Variants in CNBD1 observed in about 807,000 individuals in gnomAD.
The protein encoded by CNBD1 is cyclic nucleotide binding domain containing 1, also known as cyclic nucleotide-binding domain-containing protein 1.
Under a neutral mutation model 54.4 loss-of-function variants are expected in CNBD1, and 71 were observed. The observed-to-expected ratio is 1.30, with a 90% CI of 1.08 to 1.59. CNBD1 has a LOEUF of 1.59. Ranked by LOEUF, CNBD1 falls within the 40% of genes most tolerant of loss-of-function variation. The pLI is 0.00. For synonymous variants in CNBD1, 182 were observed against 170.7 expected, an observed-to-expected ratio of 1.07 and a Z score of -0.51; for missense variants, 659 against 518.0, an observed-to-expected ratio of 1.27 and a Z score of -2.64.
intron 4 of CNBD1, among the ~76,000 whole-genome samples, chr8:87,111,353 G>T (rs531049316): frequency 6.6e-6 from 1 of 152,168 alleles, no homozygotes; most frequent in Non-Finnish European, 1.5e-5. Flanking sequence ...ATGGAAAACC[G>T]TGGCCAGCAC....
intron 3 of CNBD1, among the ~76,000 whole-genome samples, chr8:86,937,587 G>A (rs953868538): frequency 1.3e-5 from 2 of 152,190 alleles, no homozygotes; most frequent in South Asian, 4.1e-4. Context: ...CTGTGCACCT[G>A]CAGGCTCAAC....
intron 8 of CNBD1, among the ~76,000 whole-genome samples, chr8:87,322,556 A>G (rs78653836): frequency 3.2e-4 from 36 of 111,572 alleles, no homozygotes; most frequent in African/African-American, 8.4e-4. Context: ...GATGGCCAGT[A>G]ATGATGAGCA....
chr8:87,143,086 T>C (rs1812405270), intron 4 of CNBD1, among the ~76,000 whole-genome samples: 1 of 152,180 alleles, frequency 6.6e-6, no homozygotes, highest in East Asian at 1.9e-4. Context: ...TTATAGTTAA[T>C]AGCTTTTACT....
intron 4 of CNBD1, among the ~76,000 whole-genome samples, chr8:86,987,346 G>T (rs1808631771): frequency 1.3e-5 from 2 of 152,090 alleles, no homozygotes; most frequent in South Asian, 4.1e-4. Flanking sequence ...ACTAATTTTT[G>T]TAGACTGATT....
intron 6 of CNBD1, among the ~76,000 whole-genome samples, chr8:87,266,436 A>ATT (rs1712234748): frequency 6.6e-5 from 5 of 76,260 alleles, no homozygotes; most frequent in Non-Finnish European, 1.3e-4. Flanking sequence ...AAAAAAAAAA[A>ATT]TCTTTTTTTT....
intron 8 of CNBD1, among the ~76,000 whole-genome samples, chr8:87,305,160 C>A (rs1483590074): frequency 6.6e-6 from 1 of 151,776 alleles, no homozygotes; most frequent in African/African-American, 2.4e-5. Flanking sequence ...TTTACAATAG[C>A]TGCAAAAAAA....
At chr8:86,929,979 G>A (rs1054388098) in intron 3 of CNBD1, among the ~76,000 whole-genome samples, 2 of 152,162 alleles carry the variant, frequency 1.3e-5, no homozygotes, top group Non-Finnish European at 2.9e-5. Flanking sequence ...GTTTTGTCCT[G>A]TGGGAAGGCT....
intron 4 of CNBD1, among the ~76,000 whole-genome samples, chr8:87,024,676 AT>A (rs1809591730): frequency 6.6e-6 from 1 of 152,090 alleles, no homozygotes; most frequent in African/African-American, 2.4e-5. Flanking sequence ...AAAGTAATTG[AT>A]TATTTTTGGT....
At chr8:86,889,176 A>AT (rs1465954553) in intron 2 of CNBD1, among the ~76,000 whole-genome samples, 1 of 152,192 alleles carries the variant, frequency 6.6e-6, no homozygotes, top group Non-Finnish European at 1.5e-5. Flanking sequence ...GTATGTGTAT[A>AT]TAGGTTTTGC....
intron 4 of CNBD1, among the ~76,000 whole-genome samples, chr8:86,999,558 C>CTT (rs1359565444): frequency 6.6e-6 from 1 of 150,880 alleles, no homozygotes; most frequent in Admixed American, 6.6e-5. Flanking sequence ...AAAAAAAAGT[C>CTT]TTTTATTTCA....
chr8:87,038,949 G>T (rs1397024073), intron 4 of CNBD1, among the ~76,000 whole-genome samples: 1 of 152,112 alleles, frequency 6.6e-6, no homozygotes, highest in Non-Finnish European at 1.5e-5. Flanking sequence ...AGCTTCTGTG[G>T]CCCTTTGAGT....
At chr8:87,266,971 A>G (rs1247895392) in intron 6 of CNBD1, among the ~76,000 whole-genome samples, 1 of 152,166 alleles carries the variant, frequency 6.6e-6, no homozygotes, top group Non-Finnish European at 1.5e-5. Flanking sequence ...ATAACAGAAA[A>G]CACCTTAAGT....
intron 3 of CNBD1, among the ~76,000 whole-genome samples, chr8:86,924,855 T>G (rs1216829595): frequency 6.6e-6 from 1 of 152,192 alleles, no homozygotes; most frequent in Non-Finnish European, 1.5e-5. Context: ...TCTTGCATGT[T>G]TCTATAGCTT....
chr8:87,414,909 C>T (rs977369573), intron 2 of CNBD1, among the ~76,000 whole-genome samples: 1 of 151,978 alleles, frequency 6.6e-6, no homozygotes, highest in Non-Finnish European at 1.5e-5. Flanking sequence ...GCAGGATTTC[C>T]TTAAATGACT....
At chr8:87,367,318 A>C (rs116679903) in intron 10 of CNBD1, among the ~76,000 whole-genome samples, 2,874 of 152,130 alleles carry the variant, frequency 0.019, 92 homozygotes, top group African/African-American at 0.063. Context: ...TGGCTTTTAA[A>C]TTCTCAGAAC....
intron 8 of CNBD1, among the ~76,000 whole-genome samples, chr8:87,336,138 T>A (rs575047946): frequency 6.6e-6 from 1 of 152,288 alleles, no homozygotes; most frequent in Non-Finnish European, 1.5e-5. Context: ...ATTTTTTCAC[T>A]CATTTCAACC....
intron 3 of CNBD1, among the ~76,000 whole-genome samples, chr8:86,923,037 G>A (rs568386277): frequency 1.3e-5 from 2 of 152,298 alleles, no homozygotes; most frequent in South Asian, 4.1e-4. Flanking sequence ...AGGGCCTTGA[G>A]AGTGAGTTCT....
intron 6 of CNBD1, among the ~76,000 whole-genome samples, chr8:87,259,030 A>T (rs867495622): frequency 1.3e-5 from 2 of 152,116 alleles, no homozygotes; most frequent in South Asian, 2.1e-4. Context: ...ACCAAAACAC[A>T]TTTCATTCTC....
chr8:86,904,329 A>G (rs1808983400), intron 2 of CNBD1, among the ~76,000 whole-genome samples: 1 of 152,198 alleles, frequency 6.6e-6, no homozygotes, highest in African/African-American at 2.4e-5. Flanking sequence ...AAAATTGACC[A>G]ACTTTTCATG....
Sources: allele counts gnomAD v4.1 joint callset (sites outside exome capture counted in the v4.1 genomes callset), GRCh38; gene constraint gnomAD v4.1.1; transcripts MANE v1.5; gene names NCBI Gene and HGNC (gene_info 2026-07-23, HGNC 2026-07-21).